The following SLCO6A1 variants were observed in gnomAD, a reference collection of about 807,000 sequenced individuals.
SLCO6A1 encodes cancer/testis antigen 48.
Under a neutral mutation model 72.7 loss-of-function variants are expected in SLCO6A1, and 65 were observed. That is an observed-to-expected ratio of 0.89 (90% CI 0.73 to 1.10). The LOEUF (loss-of-function observed/expected upper bound fraction) is 1.10. Ranked by LOEUF, SLCO6A1 falls within the 50% of genes least tolerant of loss-of-function variation. The pLI, the probability that SLCO6A1 is intolerant of heterozygous loss-of-function variation, is 0.00. For missense variants in SLCO6A1, 874 were observed against 872.6 expected, an observed-to-expected ratio of 1.00 and a Z score of -0.02; for synonymous variants, 314 against 298.2, an observed-to-expected ratio of 1.05 and a Z score of -0.55.
chr5:102,432,595 A>T (rs1159482002), intron 7 of SLCO6A1, among the ~76,000 whole-genome samples: 1 of 152,192 alleles, frequency 6.6e-6, no homozygotes, highest in Admixed American at 6.6e-5. Flanking sequence ...TTCTGCTGAG[A>T]AGTCTGCTGT....
At chr5:102,429,246 G>A (rs1422159826) in intron 7 of SLCO6A1, among the ~76,000 whole-genome samples, 1 of 152,082 alleles carries the variant, frequency 6.6e-6, no homozygotes, top group Non-Finnish European at 1.5e-5. Context: ...CTCCCATTCT[G>A]TAGATTGTCT....
At chr5:102,384,549 GT>G (rs1746301600) in intron 12 of SLCO6A1, among the ~76,000 whole-genome samples, 1 of 151,938 alleles carries the variant, frequency 6.6e-6, no homozygotes, top group African/African-American at 2.4e-5. Flanking sequence ...TTACCATAGG[GT>G]GTACATAAAA....
At chr5:102,482,293 ACG>A (rs1431647277) in intron 1 of SLCO6A1, among the ~76,000 whole-genome samples, 6 of 152,334 alleles carry the variant, frequency 3.9e-5, no homozygotes, top group Admixed American at 2.0e-4. Context: ...ACATATATAC[ACG>A]CAAATGTACA....
At chr5:102,412,817 C>A in intron 9 of SLCO6A1, among the ~76,000 whole-genome samples, 173 bp downstream of exon 9, 1 of 150,628 alleles carries the variant, frequency 6.6e-6, no homozygotes, top group African/African-American at 2.4e-5. Context: ...GTCTTTAACA[C>A]TTAAAAGGGG....
At chr5:102,474,400 C>T (rs1027027400) in intron 4 of SLCO6A1, among the ~76,000 whole-genome samples, 1 of 152,014 alleles carries the variant, frequency 6.6e-6, no homozygotes, top group Non-Finnish European at 1.5e-5. Context: ...GGAACCTTAC[C>T]TTACACCATA....
Position 102,399,606 on chromosome 5 carries a change from G to A in SLCO6A1, c.1763C>T (p.Thr588Ile), listed in dbSNP as rs1417373701. The A allele has an allele frequency of 6.2e-7, 1 of 1,602,396 alleles. No individual in the cohort carries two copies. Residue 588 changes from threonine to isoleucine, a missense_variant, in exon 10 of 14, where the codon ACA becomes ATA. By Grantham distance (89) the Thr-to-Ile change is moderately conservative (BLOSUM62 -1). Coordinates refer to ENST00000506729, the MANE Select transcript of SLCO6A1 (RefSeq NM_173488.5). ...ACCAGAAAAACCAGAAAATATAAGTGTAGAAAAGATAAAAGCAATGAACAA... is the reference window on the plus strand; with the variant it reads ...ACCAGAAAAACCAGAAAATATAAGTATAGAAAAGATAAAAGCAATGAACAA... ...LPLFIAFIFS[T>I]LIFSGFSGVP...
chr5:102,407,643 T>C (rs892665985), intron 9 of SLCO6A1, among the ~76,000 whole-genome samples: 1 of 152,192 alleles, frequency 6.6e-6, no homozygotes, highest in Non-Finnish European at 1.5e-5. Context: ...TGTACCGGGC[T>C]CCTCTTGAAA....
intron 4 of SLCO6A1, among the ~76,000 whole-genome samples, chr5:102,469,248 T>C (rs959150686): frequency 2.6e-5 from 4 of 152,146 alleles, no homozygotes; most frequent in African/African-American, 9.7e-5. Context: ...TAAATTACCT[T>C]GGGCAGTATG....
At chr5:102,411,714 T>C (rs759193809) in intron 9 of SLCO6A1, among the ~76,000 whole-genome samples, 62 of 152,238 alleles carry the variant, frequency 4.1e-4, no homozygotes, top group Non-Finnish European at 7.5e-4. Flanking sequence ...CATGACTTAC[T>C]TTCTAATCTG....
intron 7 of SLCO6A1, among the ~76,000 whole-genome samples, chr5:102,424,648 A>C (rs1189978495): frequency 6.6e-6 from 1 of 152,160 alleles, no homozygotes; most frequent in African/African-American, 2.4e-5. Flanking sequence ...CAATGAAAAA[A>C]AGCCCAGGAT....
At chr5:102,407,353 G>A (rs564009432) in intron 9 of SLCO6A1, among the ~76,000 whole-genome samples, 6 of 152,212 alleles carry the variant, frequency 3.9e-5, no homozygotes, top group Non-Finnish European at 8.8e-5. Flanking sequence ...TGTTACTGTG[G>A]GCACATTGCC....
At chr5:102,424,571 G>C (rs988046200) in intron 7 of SLCO6A1, among the ~76,000 whole-genome samples, 3 of 152,056 alleles carry the variant, frequency 2.0e-5, no homozygotes, top group Non-Finnish European at 4.4e-5. Context: ...ACTAAACCAG[G>C]AAGAAGTCGA....
chr5:102,374,232 G>C (rs6877722), intron 12 of SLCO6A1, among the ~76,000 whole-genome samples: 1 of 151,886 alleles, frequency 6.6e-6, no homozygotes, highest in African/African-American at 2.4e-5. Context: ...TCTCAAACTT[G>C]TGAGCTCAGG....
intron 2 of SLCO6A1, among the ~76,000 whole-genome samples, chr5:102,479,404 C>A (rs1373515275): frequency 6.6e-6 from 1 of 152,064 alleles, no homozygotes; most frequent in Non-Finnish European, 1.5e-5. Context: ...TTATAGCAGT[C>A]TGAGAATAGA....
At chr5:102,476,438 T>G (rs540975314) in intron 3 of SLCO6A1, among the ~76,000 whole-genome samples, 3 of 152,284 alleles carry the variant, frequency 2.0e-5, no homozygotes, top group Admixed American at 6.5e-5. Flanking sequence ...TCATAGAACC[T>G]TCAACTGATT....
intron 4 of SLCO6A1, among the ~76,000 whole-genome samples, chr5:102,470,254 C>T (rs1047748089): frequency 1.3e-5 from 2 of 152,030 alleles, no homozygotes; most frequent in African/African-American, 4.8e-5. Context: ...TTCTTTGTAC[C>T]TCTGGTAGAA....
chr5:102,472,819 T>C (rs1371798389), intron 4 of SLCO6A1, among the ~76,000 whole-genome samples: 4 of 151,962 alleles, frequency 2.6e-5, no homozygotes, highest in Admixed American at 2.6e-4. Flanking sequence ...GCCACAGAAG[T>C]AAGAAGAATC....
At chr5:102,482,355 G>A (rs1222110696) in intron 1 of SLCO6A1, among the ~76,000 whole-genome samples, 4 of 152,168 alleles carry the variant, frequency 2.6e-5, no homozygotes, top group African/African-American at 9.7e-5. Flanking sequence ...AAGAGGAAAT[G>A]CAGAGCTGCT....
chr5:102,396,348 T>A (rs1747083207), intron 10 of SLCO6A1, among the ~76,000 whole-genome samples: 1 of 152,132 alleles, frequency 6.6e-6, no homozygotes, highest in Non-Finnish European at 1.5e-5. Flanking sequence ...GATCAGATGG[T>A]TGTAGATATG....
Sources: gnomAD v4.1 joint callset for allele counts (sites outside exome capture counted in the v4.1 genomes callset) on GRCh38, gnomAD v4.1.1 for gene constraint, MANE v1.5 for transcripts, NCBI Gene and HGNC (gene_info 2026-07-23, HGNC 2026-07-21) for gene names.